Variants in ATG2B observed in about 807,000 individuals in gnomAD.
The protein encoded by ATG2B is autophagy related 2B.
A neutral mutation model predicts 241.3 loss-of-function variants in ATG2B; 121 were observed. The observed-to-expected ratio is 0.50, with a 90% CI of 0.43 to 0.58. The LOEUF (loss-of-function observed/expected upper bound fraction) is 0.58, where lower values mean the gene tolerates loss of function less well. Ranked by LOEUF, ATG2B falls within the 20% of genes least tolerant of loss-of-function variation. The probability of loss-of-function intolerance (pLI) is 0.00; values close to 1 mark genes in which losing one functional copy is unlikely to be tolerated. For missense variants in ATG2B, 2,306 were observed against 2,491.6 expected (o/e 0.93, Z 1.59); for synonymous variants, 858 against 876.6 (o/e 0.98, Z 0.37).
intron 14 of ATG2B, among the ~76,000 whole-genome samples, chr14:96,327,558 T>C (rs567801641): frequency 2.4e-4 from 37 of 152,158 alleles, no homozygotes; most frequent in Non-Finnish European, 4.0e-4. Context: ...AAGTAACTTA[T>C]CAAATGTATA....
chr14:96,311,040 G>T, intron 28 of ATG2B, 77 bp downstream of exon 28: 1 of 1,273,768 alleles, frequency 7.9e-7, no homozygotes, highest in South Asian at 1.9e-5. Context: ...TCTACCTTAT[G>T]ACTGTCATGA....
intron 19 of ATG2B, 138 bp from the exon 20 acceptor site, chr14:96,317,455 C>CTGTGT: frequency 1.2e-6 from 1 of 810,522 alleles, no homozygotes; most frequent in Non-Finnish European, 1.9e-6. Flanking sequence ...TACTGTTTTT[C>CTGTGT]TCTTTAGCTT....
At position 96,360,423 on chromosome 14, in the gene ATG2B, T is replaced by C. The variant is rs1888591889; in HGVS notation, c.162+2392A>G. Among the ~76,000 whole-genome samples, 4 of 152,362 alleles carry C rather than the reference T, an allele frequency of 2.6e-5. No individual in the cohort carries two copies. In the South Asian group the frequency reaches 6.2e-4, roughly 24 times the overall value. ...ATTTGGAAATGTTTCCATTGTTCCA[T>C]GATTTTGTTGCTGAAAACAATGTCT... On this transcript the variant is annotated intron_variant, in intron 1 of 41. Coordinates refer to ENST00000359933, the MANE Select transcript of ATG2B (RefSeq NM_018036.7).
chr14:96,283,746 C>T lies in ATG2B; in HGVS notation c.*2009G>A, dbSNP rs1163917369. 2.0e-5 allele frequency: 3 copies of T among 152,202 alleles called. No individual in the cohort carries two copies. Among genetic ancestry groups the T allele is most frequent in the African/African-American group, 4.8e-5 (2 of 41,448 alleles). 9.4% of individuals were successfully genotyped at this position (152,202 alleles called of 1,614,324 possible). A position where few individuals can be genotyped will look rare whatever the true frequency, so the allele number is the denominator to read the frequency against. On this transcript the variant is annotated 3_prime_UTR_variant, in exon 42 of 42. Transcript: ENST00000359933. The stretch of plus-strand genomic sequence containing the variant: ...GTAGAAGTGTTCCGATATAGATAAA[C>T]ATCTTTCCAGAATCTCAGGTAAAGA...
In ATG2B at chr14:96,328,331, G is replaced by A. The variant is rs998146623; in HGVS notation, c.2163+16C>T. On this transcript the variant is annotated intron_variant, in intron 14 of 41. Transcript: ENST00000359933. ...ACCATAATTATGATTAGTATTTGCA[G>A]CTTTTGAATACTTACCAGACTAATA... 2.6e-6 allele frequency: 4 copies of A among 1,567,794 alleles called. No homozygotes were observed. The South Asian group carries it at 4.7e-5, about 18-fold the overall frequency.
rs147871809 is a variant in ATG2B, at chr14:96,319,946, A to C, written c.2880-2091T>G. On this transcript the variant is annotated intron_variant, in intron 18 of 41. Transcript: ENST00000359933. The stretch of plus-strand genomic sequence containing the variant: ...GATATGAGATTTATATGATCCCAGA[A>C]AGTGAGGGAGCGCTTCAGTATTTAT... Among the ~76,000 whole-genome samples the C allele has an allele frequency of 2.7e-3, 412 of 152,308 alleles. 4 individuals carry two copies. The highest frequency in any genetic ancestry group is 9.4e-3 in the African/African-American group (390 of 41,574).
intron 6 of ATG2B, among the ~76,000 whole-genome samples, chr14:96,337,777 T>C (rs922791897): frequency 1.3e-5 from 2 of 152,176 alleles, no homozygotes; most frequent in African/African-American, 4.8e-5. Context: ...TCTGGTTCCA[T>C]ATGAATTTTA....
rs558682260 is a variant in ATG2B at position 96,281,608 on chromosome 14, G to A, written c.*4147C>T. The A allele has an allele frequency of 3.3e-5, 5 of 152,274 alleles. No individual in the cohort carries two copies. The highest frequency in any genetic ancestry group is 1.2e-4 in the African/African-American group (5 of 41,558). 9.4% of individuals were successfully genotyped at this position (152,274 alleles called of 1,614,324 possible). A position where few individuals can be genotyped will look rare whatever the true frequency, so the allele number is the denominator to read the frequency against. ...TGCAAGACAAATCCAACTAGAAATC[G>A]GAAGCTGCCATTTCGTATACACAAA... is the stretch of plus-strand genomic sequence containing the variant. On this transcript the variant is annotated 3_prime_UTR_variant, in exon 42 of 42. Coordinates refer to ENST00000359933, the MANE Select transcript of ATG2B (RefSeq NM_018036.7).
intron 18 of ATG2B, among the ~76,000 whole-genome samples, 175 bp from the exon 19 acceptor site, chr14:96,318,030 A>G (rs1448928555): frequency 2.6e-5 from 4 of 152,258 alleles, no homozygotes; most frequent in Non-Finnish European, 5.9e-5. Flanking sequence ...CATTCTTTCA[A>G]TGAAAAAATA....
chr14:96,357,512 T>C (rs998809215), intron 1 of ATG2B, among the ~76,000 whole-genome samples: 7 of 152,120 alleles, frequency 4.6e-5, no homozygotes, highest in African/African-American at 9.7e-5. Flanking sequence ...AAAATCAATA[T>C]AGTAAAACTT....
In ATG2B at chr14:96,315,512, G is replaced by GTTCC; in HGVS notation, c.3429_3432dup (p.Pro1145GlyfsTer8). On this transcript the variant is annotated frameshift_variant, in exon 22 of 42. Coordinates refer to ENST00000359933, the MANE Select transcript of ATG2B (RefSeq NM_018036.7). LOFTEE classifies it high-confidence loss of function. Reference sequence around the variant, plus strand: ...TCTTCTTCAGAGGAATAAATAGTAGGTTCCAACCAGTGTGGGCGGGTTGAG... The same window carrying GTTCC: ...TCTTCTTCAGAGGAATAAATAGTAGGTTCCTTCCAACCAGTGTGGGCGGGTTGAG... 3 of 1,614,162 alleles carry GTTCC rather than the reference G, an allele frequency of 1.9e-6. No homozygotes were observed. The highest frequency in any genetic ancestry group is 2.5e-6 in the Non-Finnish European group (3 of 1,180,022).
chr14:96,328,338 A>T lies in ATG2B; in HGVS notation c.2163+9T>A. 6.3e-7 allele frequency: 1 copy of T among 1,582,610 alleles called. No individual in the cohort carries two copies. The highest frequency in any genetic ancestry group is 8.6e-7 in the Non-Finnish European group (1 of 1,163,110). Reference sequence around the variant, plus strand: ...TTATGATTAGTATTTGCAGCTTTTGAATACTTACCAGACTAATATGTTTAT... The same window carrying T: ...TTATGATTAGTATTTGCAGCTTTTGTATACTTACCAGACTAATATGTTTAT... On this transcript the variant is annotated intron_variant, in intron 14 of 41. Transcript: ENST00000359933.
intron 36 of ATG2B, among the ~76,000 whole-genome samples, chr14:96,293,376 T>C (rs1377278169): frequency 1.3e-5 from 2 of 152,118 alleles, no homozygotes; most frequent in African/African-American, 4.8e-5. Context: ...CACATATTAA[T>C]AGGACAAACC....
chr14:96,282,587 A>C lies in ATG2B; in HGVS notation c.*3168T>G, dbSNP rs1886227514. On this transcript the variant is annotated 3_prime_UTR_variant, in exon 42 of 42. Coordinates refer to ENST00000359933, the MANE Select transcript of ATG2B (RefSeq NM_018036.7). ...ACAATGATTAGTCAATCCTGAAACC[A>C]TTTAGTGCAATTGGGGATTCCTCAT... 6.6e-6 allele frequency: 1 copy of C among 152,264 alleles called. No homozygotes were observed. The highest frequency in any genetic ancestry group is 6.5e-5 in the Admixed American group (1 of 15,290). The allele number at this position is 152,264 out of a possible 1,614,324, so 9.4% of individuals were successfully genotyped here.
chr14:96,344,665 A>C lies in ATG2B; in HGVS notation c.570T>G (p.Ile190Met). 1 of 1,594,954 alleles carries C rather than the reference A, an allele frequency of 6.3e-7. No individual in the cohort carries two copies. ...ATAAGAATTCTTACCTTTCTATTCGAATTTCAAGTGCAGTTCCAGTTTTGG... is the reference window on the plus strand; with the variant it reads ...ATAAGAATTCTTACCTTTCTATTCGCATTTCAAGTGCAGTTCCAGTTTTGG... Reference protein sequence around the residue: ...ENSKTGTALEIRIERTVYCDE... With the variant: ...ENSKTGTALEMRIERTVYCDE... The change falls in exon 4 of 42, where the codon ATT becomes ATG. Residue 190 changes from isoleucine to methionine, a missense_variant. Physicochemically the swap from Ile to Met is conservative, Grantham distance 10. Coordinates refer to ENST00000359933, the MANE Select transcript of ATG2B (RefSeq NM_018036.7).
At chr14:96,327,428 A>G (rs1037376915) in intron 14 of ATG2B, among the ~76,000 whole-genome samples, 1 of 152,140 alleles carries the variant, frequency 6.6e-6, no homozygotes, top group East Asian at 1.9e-4. Flanking sequence ...TGACTGATTT[A>G]ATTTGCTTAG....
intron 2 of ATG2B, among the ~76,000 whole-genome samples, chr14:96,345,827 A>G (rs895056901): frequency 1.3e-5 from 2 of 152,132 alleles, no homozygotes; most frequent in African/African-American, 2.4e-5. Context: ...ATAGCACAAA[A>G]CAGCCATTAA....
intron 1 of ATG2B, 76 bp from the exon 2 acceptor site, chr14:96,347,417 A>G (rs1253338183): frequency 1.7e-6 from 2 of 1,195,432 alleles, no homozygotes; most frequent in Non-Finnish European, 2.3e-6. Context: ...AAAGGTGTCA[A>G]ATATGCCCAC....
At chr14:96,344,316 T>C (rs938086749) in intron 4 of ATG2B, among the ~76,000 whole-genome samples, 7 of 152,186 alleles carry the variant, frequency 4.6e-5, no homozygotes, top group Non-Finnish European at 7.4e-5. Context: ...TGCCTAAATA[T>C]TGCATTGTTA....
Sources: allele counts gnomAD v4.1 joint callset (sites outside exome capture counted in the v4.1 genomes callset), GRCh38; gene constraint gnomAD v4.1.1; transcripts MANE v1.5; gene names NCBI Gene and HGNC (gene_info 2026-07-23, HGNC 2026-07-21).